The following CCSER1 variants were observed in gnomAD, a reference collection of about 807,000 sequenced individuals.
CCSER1 encodes the protein serine-rich coiled-coil domain-containing protein 1.
Under a neutral mutation model 82.0 loss-of-function variants are expected in CCSER1, and 41 were observed. That is an observed-to-expected ratio of 0.50 (90% CI 0.39 to 0.65). CCSER1 has a LOEUF of 0.65. Among genes scored for constraint, CCSER1 ranks in the 30% least tolerant of loss-of-function variants. CCSER1 has a pLI of 0.00. For missense variants in CCSER1, 1,119 were observed against 1,064.2 expected (o/e 1.05, Z -0.72); for synonymous variants, 414 against 383.9 (o/e 1.08, Z -0.92).
intron 9 of CCSER1, among the ~76,000 whole-genome samples, chr4:90,957,389 C>T (rs891623107): frequency 1.4e-5 from 2 of 146,462 alleles, no homozygotes; most frequent in African/African-American, 2.5e-5. Context: ...CGTGAGCCAC[C>T]GTGCCTAGCC....
At chr4:90,434,470 G>A (rs1243096406) in intron 4 of CCSER1, among the ~76,000 whole-genome samples, 2 of 152,076 alleles carry the variant, frequency 1.3e-5, no homozygotes, top group African/African-American at 4.8e-5. Context: ...TTTATTGGGA[G>A]CCACAACAAT....
intron 1 of CCSER1, among the ~76,000 whole-genome samples, chr4:90,148,935 G>A (rs6838176): frequency 0.34 from 51,973 of 151,780 alleles, 11,127 homozygotes; most frequent in East Asian, 0.65. Flanking sequence ...TTACAAGTAG[G>A]TCACACCCTA....
chr4:90,690,830 T>C (rs2149228272), intron 6 of CCSER1, among the ~76,000 whole-genome samples: 1 of 152,218 alleles, frequency 6.6e-6, no homozygotes, highest in East Asian at 1.9e-4. Flanking sequence ...CTGATAAAAT[T>C]ACATCACATA....
intron 7 of CCSER1, among the ~76,000 whole-genome samples, chr4:90,735,877 A>G (rs1296959730): frequency 6.6e-6 from 1 of 152,060 alleles, no homozygotes; most frequent in Non-Finnish European, 1.5e-5. Context: ...TGCTTTCACT[A>G]TAGCTCATAG....
chr4:91,382,318 A>G (rs569950379), intron 10 of CCSER1, among the ~76,000 whole-genome samples: 14 of 152,266 alleles, frequency 9.2e-5, no homozygotes, highest in African/African-American at 3.1e-4. Context: ...GAGTCTACAG[A>G]GGCAGGCAGG....
intron 9 of CCSER1, among the ~76,000 whole-genome samples, chr4:90,971,138 A>G (rs543668659): frequency 6.6e-6 from 1 of 151,990 alleles, no homozygotes; most frequent in East Asian, 1.9e-4. Context: ...TTCTCATACT[A>G]TGATAAAGAC....
At chr4:91,225,148 G>A (rs1738042288) in intron 10 of CCSER1, among the ~76,000 whole-genome samples, 1 of 127,112 alleles carries the variant, frequency 7.9e-6, no homozygotes, top group African/African-American at 3.0e-5. Context: ...CTGGAAACAA[G>A]AAATATGATA....
At chr4:90,714,674 T>G (rs1162282610) in intron 6 of CCSER1, among the ~76,000 whole-genome samples, 1 of 151,978 alleles carries the variant, frequency 6.6e-6, no homozygotes, top group African/African-American at 2.4e-5. Flanking sequence ...AAGGTTCAAA[T>G]AAATATATGA....
intron 10 of CCSER1, among the ~76,000 whole-genome samples, chr4:91,252,567 C>T (rs565435120): frequency 2.6e-5 from 4 of 152,152 alleles, no homozygotes; most frequent in Admixed American, 1.3e-4. Context: ...TGCAGCTCCA[C>T]GTTTTATTTC....
chr4:91,519,931 C>T (rs1318324923), intron 10 of CCSER1, among the ~76,000 whole-genome samples: 1 of 152,188 alleles, frequency 6.6e-6, no homozygotes, highest in African/African-American at 2.4e-5. Flanking sequence ...GCCATCTTGT[C>T]CCTTCCCCCA....
In CCSER1 at chr4:91,508,474, G is replaced by T. The variant is rs138065915; in HGVS notation, c.2218-90098G>T. ...TCCCACCTGTTCCTGATGTGTAATT[G>T]TTTCTATATGCTGCTGGATTTGATT... On this transcript the variant is annotated intron_variant, in intron 10 of 10. Coordinates refer to ENST00000509176, the MANE Select transcript of CCSER1 (RefSeq NM_001145065.2). 9.6e-4 allele frequency among the ~76,000 whole-genome samples: 144 copies of T among 150,114 alleles called. 1 individual carries two copies. Among genetic ancestry groups the T allele is most frequent in the African/African-American group, 3.4e-3 (138 of 41,016 alleles).
intron 5 of CCSER1, among the ~76,000 whole-genome samples, chr4:90,558,438 C>T (rs1287037200): frequency 6.6e-6 from 1 of 151,894 alleles, no homozygotes. Context: ...TCCAGTAAAT[C>T]GCCTCACTTT....
intron 1 of CCSER1, among the ~76,000 whole-genome samples, chr4:90,197,282 A>G (rs1348136885): frequency 1.3e-5 from 2 of 152,154 alleles, no homozygotes; most frequent in Non-Finnish European, 2.9e-5. Context: ...AGCAACCTGG[A>G]AACTCTCAGA....
At chr4:90,321,434 T>C (rs1445635953) in intron 3 of CCSER1, among the ~76,000 whole-genome samples, 2 of 152,230 alleles carry the variant, frequency 1.3e-5, no homozygotes, top group Admixed American at 1.3e-4. Flanking sequence ...ATTGTGTGTA[T>C]GTACCACATT....
At chr4:90,753,937 G>T (rs780927305) in intron 7 of CCSER1, among the ~76,000 whole-genome samples, 1 of 151,996 alleles carries the variant, frequency 6.6e-6, no homozygotes, top group Non-Finnish European at 1.5e-5. Flanking sequence ...GTTTTCTTCC[G>T]TCTGTATCAT....
At chr4:90,499,883 C>T (rs2153611150) in intron 5 of CCSER1, among the ~76,000 whole-genome samples, 1 of 152,216 alleles carries the variant, frequency 6.6e-6, no homozygotes, top group South Asian at 2.1e-4. Flanking sequence ...CAGAAAGCAG[C>T]TAGGAATAAG....
intron 1 of CCSER1, among the ~76,000 whole-genome samples, chr4:90,289,558 T>G (rs1239130433): frequency 6.6e-6 from 1 of 151,832 alleles, no homozygotes; most frequent in Non-Finnish European, 1.5e-5. Flanking sequence ...TCCTTTACCC[T>G]AATAAATTTT....
At position 90,767,352 on chromosome 4, in the gene CCSER1, T is replaced by C. The variant is rs536114628; in HGVS notation, c.2010+43361T>C. 2.9e-4 allele frequency among the ~76,000 whole-genome samples: 44 copies of C among 152,288 alleles called. 2 individuals carry two copies. In the South Asian group the frequency reaches 8.7e-3, roughly 30 times the overall value. ...AGCATAATGTGACTGCACTTACACT[T>C]TGGATTTGCAATTTCACTGATGATC... On this transcript the variant is annotated intron_variant, in intron 7 of 10. Transcript: ENST00000509176.
At chr4:91,248,202 T>C (rs1739965263) in intron 10 of CCSER1, among the ~76,000 whole-genome samples, 1 of 152,180 alleles carries the variant, frequency 6.6e-6, no homozygotes, top group South Asian at 2.1e-4. Context: ...TGCACTCATA[T>C]ATAAAGGAAT....
Sources: allele counts gnomAD v4.1 joint callset (sites outside exome capture counted in the v4.1 genomes callset), GRCh38; gene constraint gnomAD v4.1.1; transcripts MANE v1.5; gene names NCBI Gene and HGNC (gene_info 2026-07-23, HGNC 2026-07-21).